Variants in AP3B1 observed in about 807,000 individuals in gnomAD.
The protein encoded by AP3B1 is adaptor related protein complex 3 subunit beta 1, also known as AP-3 complex subunit beta-1.
AP3B1 carries 61 observed loss-of-function variants against 132.5 expected under a neutral mutation model. The observed-to-expected ratio is 0.46, with a 90% CI of 0.37 to 0.57. The LOEUF is 0.57. AP3B1 is among the 20% of genes least tolerant of loss of function. The pLI, the probability that AP3B1 is intolerant of heterozygous loss-of-function variation, is 0.00. For synonymous variants in AP3B1, 388 were observed against 438.3 expected, an observed-to-expected ratio of 0.89 and a Z score of 1.43; for missense variants, 1,120 against 1,289.4, an observed-to-expected ratio of 0.87 and a Z score of 2.01.
chr5:78,158,854 G>A (rs1389634179), intron 13 of AP3B1, among the ~76,000 whole-genome samples: 18 of 152,104 alleles, frequency 1.2e-4, no homozygotes, highest in Admixed American at 9.8e-4. Flanking sequence ...CCGCCACCAC[G>A]CCCAGCTAAT....
intron 1 of AP3B1, among the ~76,000 whole-genome samples, chr5:78,277,359 T>C (rs1258740751): frequency 6.6e-6 from 1 of 151,518 alleles, no homozygotes; most frequent in Non-Finnish European, 1.5e-5. Flanking sequence ...AAGGAATTGG[T>C]GGGAGGGAGT....
At chr5:78,149,919 T>C (rs1028809101) in intron 14 of AP3B1, among the ~76,000 whole-genome samples, 6 of 150,222 alleles carry the variant, frequency 4.0e-5, no homozygotes. Context: ...ATGACTCCTG[T>C]AAGCCATACT....
intron 1 of AP3B1, among the ~76,000 whole-genome samples, chr5:78,289,894 G>A (rs767769990): frequency 2.8e-4 from 43 of 152,072 alleles, no homozygotes; most frequent in Non-Finnish European, 5.0e-4. Flanking sequence ...CATCTCATTT[G>A]AACATGCTTT....
intron 9 of AP3B1, among the ~76,000 whole-genome samples, chr5:78,176,947 A>G (rs550622939): frequency 2.0e-4 from 31 of 152,154 alleles, no homozygotes; most frequent in Non-Finnish European, 3.7e-4. Context: ...TCTATATAAA[A>G]CCATGTATTA....
chr5:78,167,346 T>C (rs920930604), intron 11 of AP3B1, among the ~76,000 whole-genome samples: 4 of 151,534 alleles, frequency 2.6e-5, no homozygotes, highest in African/African-American at 4.8e-5. Flanking sequence ...ATAATAGATG[T>C]TAGCATGGAT....
At chr5:78,293,833 T>C (rs373486735) in intron 1 of AP3B1, among the ~76,000 whole-genome samples, 1 of 152,200 alleles carries the variant, frequency 6.6e-6, no homozygotes, top group Admixed American at 6.5e-5. Flanking sequence ...TGTAAAAGTT[T>C]TGGATTTGTT....
At chr5:78,044,428 C>T (rs1210482776) in intron 22 of AP3B1, among the ~76,000 whole-genome samples, 1 of 152,152 alleles carries the variant, frequency 6.6e-6, no homozygotes, top group East Asian at 1.9e-4. Context: ...TTTTATTCTA[C>T]ATTGTTCCAC....
At chr5:78,110,948 G>A (rs904818516) in intron 19 of AP3B1, among the ~76,000 whole-genome samples, 1 of 151,912 alleles carries the variant, frequency 6.6e-6, no homozygotes, top group African/African-American at 2.4e-5. Flanking sequence ...TGTAGAGACA[G>A]GGTCTCACTA....
chr5:78,089,569 T>C (rs1398628994), intron 21 of AP3B1, 70 bp from the exon 22 acceptor site: 19 of 993,116 alleles, frequency 1.9e-5, no homozygotes. Context: ...GCAACATTTT[T>C]ATTTTGTTAG....
chr5:78,156,499 T>C (rs1743154783), intron 13 of AP3B1, 132 bp from the exon 14 acceptor site: 4 of 703,764 alleles, frequency 5.7e-6, no homozygotes, highest in Non-Finnish European at 9.6e-6. Flanking sequence ...TGTGAAAGCA[T>C]AACCATGAGT....
intron 14 of AP3B1, among the ~76,000 whole-genome samples, chr5:78,148,920 T>C (rs116481380): frequency 1.8e-3 from 271 of 152,296 alleles, no homozygotes; most frequent in African/African-American, 6.0e-3. Flanking sequence ...TGAGCAGTGT[T>C]ACAATGACTA....
At chr5:78,115,931 A>G in intron 18 of AP3B1, 195 bp downstream of exon 18, 2 of 618,080 alleles carry the variant, frequency 3.2e-6, no homozygotes, top group South Asian at 3.2e-5. Flanking sequence ...GAGATATTGT[A>G]AAGTAAAAAG....
intron 21 of AP3B1, among the ~76,000 whole-genome samples, chr5:78,090,943 TTTTTA>T (rs1418803546): frequency 6.6e-6 from 1 of 151,576 alleles, no homozygotes; most frequent in Non-Finnish European, 1.5e-5. Flanking sequence ...CAGCCTTTTT[TTTTTA>T]TTTTTTATTT....
intron 1 of AP3B1, among the ~76,000 whole-genome samples, chr5:78,293,784 C>T (rs1749634606): frequency 6.6e-6 from 1 of 151,858 alleles, no homozygotes; most frequent in Non-Finnish European, 1.5e-5. Flanking sequence ...CTAAGTGTAC[C>T]TTGTTTAACA....
chr5:78,249,025 T>G (rs898000509), intron 2 of AP3B1, among the ~76,000 whole-genome samples: 1 of 152,184 alleles, frequency 6.6e-6, no homozygotes, highest in South Asian at 2.1e-4. Context: ...TTTTAGTTTA[T>G]CCTAACTGGC....
chr5:78,192,542 T>A (rs1249261013), intron 7 of AP3B1, among the ~76,000 whole-genome samples: 1 of 152,066 alleles, frequency 6.6e-6, no homozygotes, highest in Non-Finnish European at 1.5e-5. Context: ...CTCCAGAGGC[T>A]GAGGTAGAAG....
intron 20 of AP3B1, among the ~76,000 whole-genome samples, chr5:78,109,091 AG>A (rs1253935537): frequency 6.6e-6 from 1 of 152,178 alleles, no homozygotes; most frequent in Non-Finnish European, 1.5e-5. Flanking sequence ...CTAAGTGATA[AG>A]TTTTTATATG....
chr5:78,247,149 T>C (rs1385396468), intron 2 of AP3B1, among the ~76,000 whole-genome samples: 1 of 151,524 alleles, frequency 6.6e-6, no homozygotes, highest in Non-Finnish European at 1.5e-5. Flanking sequence ...TTCCAATGAC[T>C]GTGTTTAGTT....
chr5:78,132,777 T>C (rs1356623447), intron 15 of AP3B1, among the ~76,000 whole-genome samples: 2 of 152,192 alleles, frequency 1.3e-5, no homozygotes, highest in Non-Finnish European at 2.9e-5. Context: ...AGCACTCTCA[T>C]GATGGTTGGT....
Sources: gnomAD v4.1 joint callset for allele counts (sites outside exome capture counted in the v4.1 genomes callset) on GRCh38, gnomAD v4.1.1 for gene constraint, MANE v1.5 for transcripts, NCBI Gene and HGNC (gene_info 2026-07-23, HGNC 2026-07-21) for gene names.